Variants in SEZ6L observed in about 807,000 individuals in gnomAD.
The protein encoded by SEZ6L is seizure related 6 homolog like.
SEZ6L carries 37 observed loss-of-function variants against 106.2 expected under a neutral mutation model. The ratio of observed to expected loss-of-function variants is 0.35; its 90% CI spans 0.27 to 0.46. The LOEUF (loss-of-function observed/expected upper bound fraction) is 0.46, where lower values mean the gene tolerates loss of function less well. Among genes scored for constraint, SEZ6L ranks in the 20% least tolerant of loss-of-function variants. SEZ6L has a pLI of 1.00. For synonymous variants in SEZ6L, 541 were observed against 570.4 expected (o/e 0.95, Z 0.73); for missense variants, 1,172 against 1,332.8 (o/e 0.88, Z 1.88).
intron 1 of SEZ6L, among the ~76,000 whole-genome samples, chr22:26,289,632 G>A (rs561977143): frequency 3.9e-5 from 6 of 152,290 alleles, no homozygotes; most frequent in South Asian, 2.1e-4. Context: ...CATCACTGGC[G>A]GCCTGGAAGG....
At chr22:26,215,262 G>T (rs5761409) in intron 1 of SEZ6L, among the ~76,000 whole-genome samples, 2,792 of 151,920 alleles carry the variant, frequency 0.018, 72 homozygotes, top group South Asian at 0.066. Context: ...TAGGTATATG[G>T]GCTTGTTACA....
At chr22:26,343,137 G>A (rs2082896721) in intron 10 of SEZ6L, among the ~76,000 whole-genome samples, 1 of 152,114 alleles carries the variant, frequency 6.6e-6, no homozygotes, top group Admixed American at 6.6e-5. Flanking sequence ...GATAACTCAT[G>A]TTGGCTGTCC....
rs576874771 is a variant in SEZ6L, at chr22:26,292,198, G to A, written c.95-208G>A. 6 of 500,404 alleles carry A rather than the reference G, an allele frequency of 1.2e-5. No individual in the cohort carries two copies. The East Asian group carries it at 1.9e-4, about 16-fold the overall frequency. 31.0% of individuals were successfully genotyped at this position (500,404 alleles called of 1,614,324 possible). On this transcript the variant is annotated intron_variant, in intron 1 of 16. Transcript: ENST00000248933. Reference sequence around the variant, plus strand: ...AAAGAAGGAAGGAGGGAGGGTGGGAGGAAAAGAAGGAAGAAAAGAGAAAGA... The same window carrying A: ...AAAGAAGGAAGGAGGGAGGGTGGGAAGAAAAGAAGGAAGAAAAGAGAAAGA...
chr22:26,222,541 T>C (rs1569394857), intron 1 of SEZ6L, among the ~76,000 whole-genome samples: 1 of 151,884 alleles, frequency 6.6e-6, no homozygotes, highest in African/African-American at 2.4e-5. Context: ...CTTCTAGCAA[T>C]CCTAAAGGCT....
intron 5 of SEZ6L, among the ~76,000 whole-genome samples, chr22:26,302,095 G>A (rs938896754): frequency 6.6e-6 from 1 of 152,144 alleles, no homozygotes; most frequent in African/African-American, 2.4e-5. Context: ...ACTTTCATAG[G>A]CAAAGAGAAT....
At chr22:26,378,270 G>A (rs2084297793) in intron 16 of SEZ6L, among the ~76,000 whole-genome samples, 1 of 152,068 alleles carries the variant, frequency 6.6e-6, no homozygotes, top group African/African-American at 2.4e-5. Flanking sequence ...CCATCTGCTG[G>A]GCACTTTAAA....
At chr22:26,361,520 A>AATAT (rs71734405) in intron 12 of SEZ6L, among the ~76,000 whole-genome samples, 5 of 124,260 alleles carry the variant, frequency 4.0e-5, no homozygotes, top group Admixed American at 8.4e-5. Flanking sequence ...AAAAAAAAAA[A>AATAT]ATATATATAT....
intron 1 of SEZ6L, among the ~76,000 whole-genome samples, chr22:26,288,210 G>T (rs1057400791): frequency 1.3e-5 from 2 of 152,212 alleles, no homozygotes; most frequent in African/African-American, 2.4e-5. Flanking sequence ...TCTGCCAACT[G>T]CATCCTTAGG....
chr22:26,185,821 G>C (rs934394329), intron 1 of SEZ6L, among the ~76,000 whole-genome samples: 1 of 152,022 alleles, frequency 6.6e-6, no homozygotes, highest in Admixed American at 6.6e-5. Context: ...GTTCTCTCAA[G>C]ATCACACAGC....
intron 1 of SEZ6L, among the ~76,000 whole-genome samples, chr22:26,193,474 T>C (rs1234901577): frequency 6.6e-6 from 1 of 152,208 alleles, no homozygotes; most frequent in Non-Finnish European, 1.5e-5. Flanking sequence ...TCACATGGTG[T>C]GCCTTGTCCT....
intron 9 of SEZ6L, among the ~76,000 whole-genome samples, chr22:26,325,222 G>A (rs2082272076): frequency 6.6e-6 from 1 of 152,204 alleles, no homozygotes; most frequent in Non-Finnish European, 1.5e-5. Flanking sequence ...AAGCTACAAA[G>A]CAAGGGCCAA....
intron 9 of SEZ6L, among the ~76,000 whole-genome samples, chr22:26,334,790 C>T (rs767273650): frequency 6.6e-6 from 1 of 152,164 alleles, no homozygotes; most frequent in Admixed American, 6.5e-5. Flanking sequence ...ACTCTGGCAC[C>T]TGAGAAGGGC....
rs191968924 is a variant in SEZ6L at position 26,319,704 on chromosome 22, G to A, written c.2015+5802G>A. 1.1e-3 allele frequency among the ~76,000 whole-genome samples: 172 copies of A among 152,282 alleles called. 2 individuals are homozygous for A. The highest frequency in any genetic ancestry group is 4.0e-3 in the African/African-American group (165 of 41,546). The stretch of plus-strand genomic sequence containing the variant: ...CACACTACGCATTGTGGTGTATCTT[G>A]AAGTATTTCAACTCCCACACCTCCA... On this transcript the variant is annotated intron_variant, in intron 9 of 16. Coordinates refer to ENST00000248933, the MANE Select transcript of SEZ6L (RefSeq NM_021115.5).
intron 9 of SEZ6L, among the ~76,000 whole-genome samples, chr22:26,332,436 C>G (rs1329324916): frequency 2.7e-5 from 4 of 149,874 alleles, no homozygotes; most frequent in Non-Finnish European, 4.4e-5. Context: ...AGGTGTGAGC[C>G]ACTGCACCCA....
At chr22:26,201,398 A>G (rs1045739358) in intron 1 of SEZ6L, among the ~76,000 whole-genome samples, 1 of 149,072 alleles carries the variant, frequency 6.7e-6, no homozygotes, top group Non-Finnish European at 1.5e-5. Context: ...AAAAAAAAAA[A>G]AAAAAAGAGG....
At chr22:26,303,891 GCT>G (rs2081529654) in intron 5 of SEZ6L, among the ~76,000 whole-genome samples, 1 of 152,136 alleles carries the variant, frequency 6.6e-6, no homozygotes, top group Non-Finnish European at 1.5e-5. Flanking sequence ...TATTTTTCAA[GCT>G]CCTTTGATCC....
At chr22:26,329,659 G>C (rs2145964148) in intron 9 of SEZ6L, among the ~76,000 whole-genome samples, 1 of 152,282 alleles carries the variant, frequency 6.6e-6, no homozygotes, top group Admixed American at 6.5e-5. Context: ...CGACAATTCT[G>C]TGTTGCTGAG....
chr22:26,305,389 G>A (rs561552183), intron 5 of SEZ6L, among the ~76,000 whole-genome samples: 29 of 152,254 alleles, frequency 1.9e-4, no homozygotes, highest in Non-Finnish European at 3.2e-4. Context: ...TTGCCCTCCC[G>A]AAAGGTCATA....
chr22:26,292,293 C>T (rs1425100744), intron 1 of SEZ6L, 113 bp from the exon 2 acceptor site: 5 of 752,644 alleles, frequency 6.6e-6, no homozygotes, highest in East Asian at 5.4e-5. Flanking sequence ...GGTTTAGAGG[C>T]CAGCCGGACG....
Sources: allele counts gnomAD v4.1 joint callset (sites outside exome capture counted in the v4.1 genomes callset), GRCh38; gene constraint gnomAD v4.1.1; transcripts MANE v1.5; gene names NCBI Gene and HGNC (gene_info 2026-07-23, HGNC 2026-07-21).